Variants in POFUT3 observed in about 807,000 individuals in gnomAD.
POFUT3 encodes the protein protein O-fucosyltransferase 3, also known as GDP-fucose protein O-fucosyltransferase 3.
the POFUT3 span, among the ~76,000 whole-genome samples, chr8:33,439,421 C>T: frequency 6.6e-6 from 1 of 151,920 alleles, no homozygotes; most frequent in Non-Finnish European, 1.5e-5. Flanking sequence ...AAGAAAGAAA[C>T]TGTGTGGTTT....
At chr8:33,407,987 C>CAAA in the POFUT3 span, among the ~76,000 whole-genome samples, 7 of 83,740 alleles carry the variant, frequency 8.4e-5, no homozygotes, top group South Asian at 3.8e-4. Context: ...GACTCCATCT[C>CAAA]AAAAAAAAAA....
At chr8:33,450,122 G>A in the POFUT3 span, among the ~76,000 whole-genome samples, 3 of 151,920 alleles carry the variant, frequency 2.0e-5, no homozygotes, top group Admixed American at 2.0e-4. Flanking sequence ...AGTATTTTTA[G>A]TAGAGACGGG....
At chr8:33,390,548 C>CAAAAAAAA in the POFUT3 span, among the ~76,000 whole-genome samples, 1 of 87,854 alleles carries the variant, frequency 1.1e-5, no homozygotes, top group Non-Finnish European at 2.5e-5. Flanking sequence ...TGATTAACTG[C>CAAAAAAAA]AAAAAAAAAA....
the POFUT3 span, among the ~76,000 whole-genome samples, chr8:33,315,625 C>T: frequency 5.3e-5 from 8 of 152,118 alleles, no homozygotes; most frequent in African/African-American, 9.6e-5. Flanking sequence ...AGAGAGAAAC[C>T]GATGGGAACA....
At chr8:33,388,534 G>A in the POFUT3 span, among the ~76,000 whole-genome samples, 1 of 151,696 alleles carries the variant, frequency 6.6e-6, no homozygotes, top group East Asian at 1.9e-4. Context: ...ATGGGGTTTT[G>A]CCATGTTGCC....
chr8:33,389,899 A>G, the POFUT3 span: 1 of 824,050 alleles, frequency 1.2e-6, no homozygotes, highest in Non-Finnish European at 1.9e-6. Context: ...TGAGGCTATG[A>G]ATAAGAAGCA....
chr8:33,338,829 C>A, the POFUT3 span: 6 of 152,184 alleles, frequency 3.9e-5, no homozygotes, highest in African/African-American at 1.4e-4. Flanking sequence ...GGAAAAGCAG[C>A]TAAAACAAAA....
chr8:33,440,603 T>G, the POFUT3 span, among the ~76,000 whole-genome samples: 264 of 152,294 alleles, frequency 1.7e-3, 1 homozygote, highest in African/African-American at 6.3e-3. Flanking sequence ...TCATAACTAT[T>G]ACAGCATATG....
the POFUT3 span, among the ~76,000 whole-genome samples, chr8:33,352,937 G>A: frequency 6.6e-6 from 1 of 152,212 alleles, no homozygotes; most frequent in African/African-American, 2.4e-5. Context: ...GCAGTGCCCT[G>A]AGGACATATG....
chr8:33,353,775 G>A, the POFUT3 span, among the ~76,000 whole-genome samples: 2 of 152,254 alleles, frequency 1.3e-5, no homozygotes, highest in South Asian at 4.1e-4. Flanking sequence ...AAATCACTGA[G>A]CAATTTTTAG....
the POFUT3 span, among the ~76,000 whole-genome samples, chr8:33,396,886 G>T: frequency 6.6e-6 from 1 of 152,134 alleles, no homozygotes; most frequent in Non-Finnish European, 1.5e-5. Flanking sequence ...ATTAAACAGA[G>T]ATAAAGACTT....
the POFUT3 span, among the ~76,000 whole-genome samples, chr8:33,345,720 A>G: frequency 2.0e-5 from 3 of 151,916 alleles, no homozygotes; most frequent in Non-Finnish European, 2.9e-5. Context: ...AAGGGATGAA[A>G]TGTGTGAGTG....
At chr8:33,311,852 C>A in the POFUT3 span, among the ~76,000 whole-genome samples, 1 of 152,138 alleles carries the variant, frequency 6.6e-6, no homozygotes, top group African/African-American at 2.4e-5. Context: ...CAAGTCACAA[C>A]TCCCAATACC....
the POFUT3 span, among the ~76,000 whole-genome samples, chr8:33,384,835 G>A: frequency 1.3e-5 from 2 of 151,908 alleles, no homozygotes; most frequent in Non-Finnish European, 2.9e-5. Context: ...AAACAAAAAA[G>A]AATACCTTCT....
the POFUT3 span, among the ~76,000 whole-genome samples, chr8:33,435,479 G>A: frequency 6.6e-6 from 1 of 150,656 alleles, no homozygotes; most frequent in African/African-American, 2.4e-5. Flanking sequence ...GCCTCCCAAA[G>A]GGCTGAGATT....
the POFUT3 span, among the ~76,000 whole-genome samples, chr8:33,400,183 G>A: frequency 6.7e-6 from 1 of 149,736 alleles, no homozygotes; most frequent in Non-Finnish European, 1.5e-5. Context: ...CAGGCGTGGT[G>A]GCTCACGCCT....
chr8:33,461,428 G>C, the POFUT3 span: 1 of 1,613,672 alleles, frequency 6.2e-7, no homozygotes, highest in Non-Finnish European at 8.5e-7. Flanking sequence ...GATGCCAAAA[G>C]CTTCCTCCTC....
chr8:33,470,854 C>T, the POFUT3 span, among the ~76,000 whole-genome samples: 1 of 152,170 alleles, frequency 6.6e-6, no homozygotes, highest in African/African-American at 2.4e-5. Context: ...TAAGCTCTCT[C>T]ATCCCATAAA....
At chr8:33,434,129 C>T in the POFUT3 span, among the ~76,000 whole-genome samples, 1 of 151,660 alleles carries the variant, frequency 6.6e-6, no homozygotes, top group Non-Finnish European at 1.5e-5. Flanking sequence ...AGTGTGGTGG[C>T]GCATGCCTGT....
Sources: gnomAD v4.1 joint callset for allele counts (sites outside exome capture counted in the v4.1 genomes callset) on GRCh38, gnomAD v4.1.1 for gene constraint, MANE v1.5 for transcripts, NCBI Gene and HGNC (gene_info 2026-07-23, HGNC 2026-07-21) for gene names.